The following BLTP1 variants were observed in gnomAD, a reference collection of about 807,000 sequenced individuals.
BLTP1 encodes the protein bridge-like lipid transfer protein family member 1, also known as fragile site-associated protein.
At chr4:122,300,843 T>C in the BLTP1 span, 1 of 837,516 alleles carries the variant, frequency 1.2e-6, no homozygotes, top group Non-Finnish European at 1.4e-6. Flanking sequence ...TTCAAATCAA[T>C]GGAAAGAGAA....
chr4:122,156,118 A>G, the BLTP1 span: 2 of 242,516 alleles, frequency 8.2e-6, no homozygotes, highest in African/African-American at 4.6e-5. Flanking sequence ...ATTGGAGGAG[A>G]TGAGTTCAGT....
At chr4:122,342,420 ATC>A in the BLTP1 span, among the ~76,000 whole-genome samples, 1 of 151,984 alleles carries the variant, frequency 6.6e-6, no homozygotes, top group Non-Finnish European at 1.5e-5. Context: ...TAGTGGCGCC[ATC>A]TCAGCTCACT....
the BLTP1 span, chr4:122,200,496 C>T: frequency 1.3e-6 from 1 of 793,336 alleles, no homozygotes; most frequent in Non-Finnish European, 1.5e-6. Context: ...ACAAGAATTG[C>T]TTGAAGCTGG....
chr4:122,178,484 C>G, the BLTP1 span, among the ~76,000 whole-genome samples: 1 of 152,216 alleles, frequency 6.6e-6, no homozygotes, highest in Admixed American at 6.5e-5. Flanking sequence ...AAATCCGTCT[C>G]TAACTTGCTG....
chr4:122,298,250 C>G, the BLTP1 span: 1 of 946,422 alleles, frequency 1.1e-6, no homozygotes, highest in Admixed American at 6.2e-5. Context: ...ATTTGATCAC[C>G]TATTGTGTTG....
chr4:122,315,777 A>G, the BLTP1 span: 1 of 1,196,098 alleles, frequency 8.4e-7, no homozygotes, highest in Non-Finnish European at 1.2e-6. Flanking sequence ...AGTATATTAT[A>G]GTTGCTATTT....
At chr4:122,296,234 G>A in the BLTP1 span, among the ~76,000 whole-genome samples, 1 of 150,658 alleles carries the variant, frequency 6.6e-6, no homozygotes, top group Non-Finnish European at 1.5e-5. Flanking sequence ...GCAAAGTTGT[G>A]CAATGTGCAA....
the BLTP1 span, chr4:122,289,063 A>T: frequency 6.2e-7 from 1 of 1,601,734 alleles, no homozygotes. Flanking sequence ...ATCAGTGTTA[A>T]TCTAATATGA....
the BLTP1 span, chr4:122,231,874 T>A: frequency 4.3e-6 from 4 of 933,528 alleles, no homozygotes; most frequent in Non-Finnish European, 3.8e-6. Flanking sequence ...TTGAGATTTT[T>A]ATTGAAATTA....
the BLTP1 span, among the ~76,000 whole-genome samples, chr4:122,164,699 G>A: frequency 6.6e-6 from 1 of 151,852 alleles, no homozygotes; most frequent in Non-Finnish European, 1.5e-5. Context: ...GATTATATTG[G>A]TATGGACTCA....
chr4:122,175,382 A>T, the BLTP1 span: 12 of 550,080 alleles, frequency 2.2e-5, no homozygotes, highest in Admixed American at 6.4e-5. Flanking sequence ...ATGAAGGAAC[A>T]TCCTTAAAAG....
At chr4:122,358,197 C>G in the BLTP1 span, among the ~76,000 whole-genome samples, 1 of 152,096 alleles carries the variant, frequency 6.6e-6, no homozygotes, top group Admixed American at 6.5e-5. Flanking sequence ...TCAAGACAAA[C>G]CTGTGAAGTT....
the BLTP1 span, chr4:122,250,328 C>T: frequency 4.5e-6 from 7 of 1,556,104 alleles, no homozygotes; most frequent in Non-Finnish European, 6.2e-6. Flanking sequence ...ACTTATTCAC[C>T]ATTTATAATA....
chr4:122,340,299 A>T, the BLTP1 span, among the ~76,000 whole-genome samples: 35 of 152,274 alleles, frequency 2.3e-4, no homozygotes, highest in Admixed American at 1.1e-3. Flanking sequence ...AAGGCTGAGA[A>T]GGTTTGCATT....
At chr4:122,338,729 C>T in the BLTP1 span, among the ~76,000 whole-genome samples, 1 of 152,068 alleles carries the variant, frequency 6.6e-6, no homozygotes, top group Non-Finnish European at 1.5e-5. Context: ...GGTTTTTCAT[C>T]CCAAATACTG....
At chr4:122,277,732 C>G in the BLTP1 span, 1 of 982,934 alleles carries the variant, frequency 1.0e-6, no homozygotes. Flanking sequence ...TCCTTCCTAT[C>G]AATTTCTTGT....
the BLTP1 span, chr4:122,280,069 T>C: frequency 1.3e-6 from 2 of 1,591,338 alleles, no homozygotes; most frequent in Non-Finnish European, 1.7e-6. Flanking sequence ...TGGAGGGAGA[T>C]GAAGGGTTAC....
the BLTP1 span, chr4:122,336,457 TTATA>T: frequency 2.6e-6 from 2 of 778,896 alleles, no homozygotes; most frequent in Non-Finnish European, 3.8e-6. Flanking sequence ...ATATATGCAA[TTATA>T]AATGTTAAAG....
At chr4:122,222,513 C>T in the BLTP1 span, among the ~76,000 whole-genome samples, 32 of 152,254 alleles carry the variant, frequency 2.1e-4, no homozygotes, top group African/African-American at 7.5e-4. Flanking sequence ...AATTTATTCT[C>T]TCACAGTTCT....
Sources: gnomAD v4.1 joint callset for allele counts (sites outside exome capture counted in the v4.1 genomes callset) on GRCh38, gnomAD v4.1.1 for gene constraint, MANE v1.5 for transcripts, NCBI Gene and HGNC (gene_info 2026-07-23, HGNC 2026-07-21) for gene names.